The following FBXL7 variants were observed in gnomAD, a reference collection of about 807,000 sequenced individuals.
FBXL7 encodes the protein F-box and leucine rich repeat protein 7.
Under a neutral mutation model 38.3 loss-of-function variants are expected in FBXL7, and 12 were observed. The ratio of observed to expected loss-of-function variants is 0.31; its 90% CI spans 0.20 to 0.51. The LOEUF is 0.51. Among genes scored for constraint, FBXL7 ranks in the 20% least tolerant of loss-of-function variants. The probability of loss-of-function intolerance (pLI) is 0.98; values close to 1 mark genes in which losing one functional copy is unlikely to be tolerated. For synonymous variants in FBXL7, 297 were observed against 300.9 expected, an observed-to-expected ratio of 0.99 and a Z score of 0.13; for missense variants, 567 against 676.4, an observed-to-expected ratio of 0.84 and a Z score of 1.79.
At chr5:15,888,667 A>G (rs921894197) in intron 2 of FBXL7, among the ~76,000 whole-genome samples, 1 of 152,196 alleles carries the variant, frequency 6.6e-6, no homozygotes, top group Non-Finnish European at 1.5e-5. Context: ...TAACAAGGAA[A>G]TGAGGTCTAA....
intron 2 of FBXL7, among the ~76,000 whole-genome samples, chr5:15,639,511 C>G (rs1236312932): frequency 6.6e-6 from 1 of 152,050 alleles, no homozygotes; most frequent in Non-Finnish European, 1.5e-5. Context: ...CTTGCTCCTC[C>G]TTGCCTTCTG....
In FBXL7 at chr5:15,937,967, G is replaced by C. The variant is rs1206766723; in HGVS notation, c.*781G>C. 1 of 152,196 alleles carries C rather than the reference G, an allele frequency of 6.6e-6. No homozygotes were observed. Among genetic ancestry groups the C allele is most frequent in the East Asian group, 1.9e-4 (1 of 5,160 alleles). 9.4% of individuals were successfully genotyped at this position (152,196 alleles called of 1,614,324 possible). A position where few individuals can be genotyped will look rare whatever the true frequency, so the allele number is the denominator to read the frequency against. ...CCTTGGCATAGAGCACCCAGGCATC[G>C]ACCTCTTCCAGGAGAACTGATTCTG... On this transcript the variant is annotated 3_prime_UTR_variant, in exon 4 of 4. Coordinates refer to ENST00000504595, the MANE Select transcript of FBXL7 (RefSeq NM_012304.5).
At position 15,640,465 on chromosome 5, in the gene FBXL7, G is replaced by T. The variant is rs6884081; in HGVS notation, c.127+24393G>T. ...AATCTCATCTTAACTAATGACATCT[G>T]CAATGACCCTGTCTCCAAATAAGGT... On this transcript the variant is annotated intron_variant, in intron 2 of 3. Transcript: ENST00000504595. Among the ~76,000 whole-genome samples the T allele has an allele frequency of 4.9e-3, 745 of 152,134 alleles. 5 individuals are homozygous for T. The highest frequency in any genetic ancestry group is 0.017 in the African/African-American group (724 of 41,512).
At position 15,500,262 on chromosome 5, in the gene FBXL7, G is replaced by C. The variant is rs930811847; in HGVS notation, c.-415G>C. ...TCCCCGGGGAAGCCGCGGGCGCGCA[G>C]GGGCAGCCGAAGGAGGCGGTCGAGC... On this transcript the variant is annotated 5_prime_UTR_variant, in exon 1 of 4. Coordinates refer to ENST00000504595, the MANE Select transcript of FBXL7 (RefSeq NM_012304.5). The C allele has an allele frequency of 3.9e-5, 6 of 151,908 alleles. No individual in the cohort carries two copies. Among genetic ancestry groups the C allele is most frequent in the Non-Finnish European group, 8.8e-5 (6 of 67,962 alleles). 9.4% of individuals were successfully genotyped at this position (151,908 alleles called of 1,614,324 possible). A position where few individuals can be genotyped will look rare whatever the true frequency, so the allele number is the denominator to read the frequency against.
chr5:15,580,496 G>A, intron 1 of FBXL7: 1 of 386,084 alleles, frequency 2.6e-6, no homozygotes, highest in South Asian at 1.1e-4. Context: ...CCATACACTG[G>A]TTTATAATTA....
chr5:15,664,341 T>C (rs947086555), intron 2 of FBXL7, among the ~76,000 whole-genome samples: 8 of 152,166 alleles, frequency 5.3e-5, no homozygotes, highest in Admixed American at 5.2e-4. Context: ...CTCTGTTACC[T>C]AGACATACAA....
At chr5:15,723,037 A>T (rs1049888033) in intron 2 of FBXL7, among the ~76,000 whole-genome samples, 1 of 152,220 alleles carries the variant, frequency 6.6e-6, no homozygotes, top group Non-Finnish European at 1.5e-5. Context: ...TAAAGTAATG[A>T]TAAGATGTAT....
chr5:15,719,207 G>A (rs759773072), intron 2 of FBXL7, among the ~76,000 whole-genome samples: 26 of 152,098 alleles, frequency 1.7e-4, no homozygotes, highest in Non-Finnish European at 2.5e-4. Flanking sequence ...GCAAGTTCAG[G>A]CTTTGTTCCT....
At chr5:15,699,397 T>G (rs1743453017) in intron 2 of FBXL7, among the ~76,000 whole-genome samples, 1 of 152,190 alleles carries the variant, frequency 6.6e-6, no homozygotes. Context: ...ATTCCCAGCT[T>G]GCAGCTGCAT....
intron 2 of FBXL7, among the ~76,000 whole-genome samples, chr5:15,787,811 G>A (rs1737169367): frequency 6.6e-6 from 1 of 152,106 alleles, no homozygotes; most frequent in Non-Finnish European, 1.5e-5. Flanking sequence ...TTTAACATGT[G>A]GTCGTTTCTA....
intron 1 of FBXL7, among the ~76,000 whole-genome samples, chr5:15,611,648 T>G (rs1236546676): frequency 6.6e-6 from 1 of 152,136 alleles, no homozygotes; most frequent in Non-Finnish European, 1.5e-5. Context: ...ATTTAGTGTT[T>G]ATGGTTACTT....
intron 2 of FBXL7, among the ~76,000 whole-genome samples, chr5:15,714,377 A>T (rs769270842): frequency 5.3e-5 from 8 of 152,154 alleles, no homozygotes; most frequent in Non-Finnish European, 1.0e-4. Flanking sequence ...CTCCACAGGC[A>T]TGCTTCCAGT....
intron 1 of FBXL7, among the ~76,000 whole-genome samples, chr5:15,604,919 G>A (rs1448028831): frequency 6.6e-6 from 1 of 152,166 alleles, no homozygotes; most frequent in Non-Finnish European, 1.5e-5. Flanking sequence ...CTGTTGAAGA[G>A]GGGCGCTTTG....
chr5:15,730,459 C>A (rs557559628), intron 2 of FBXL7, among the ~76,000 whole-genome samples: 3 of 152,140 alleles, frequency 2.0e-5, no homozygotes, highest in East Asian at 3.9e-4. Context: ...AAAAAAATTC[C>A]TTCAAGGTCC....
chr5:15,587,931 T>C (rs961664838), intron 1 of FBXL7, among the ~76,000 whole-genome samples: 1 of 152,208 alleles, frequency 6.6e-6, no homozygotes, highest in African/African-American at 2.4e-5. Flanking sequence ...GTTTAGCATA[T>C]GTTTTTGTTT....
At chr5:15,810,210 C>G (rs1052126107) in intron 2 of FBXL7, among the ~76,000 whole-genome samples, 40 of 151,596 alleles carry the variant, frequency 2.6e-4, no homozygotes, top group African/African-American at 9.7e-4. Context: ...CAAATAATAT[C>G]AAGAAGGTGA....
In FBXL7 at chr5:15,665,772, C is replaced by T. The variant is rs117685904; in HGVS notation, c.127+49700C>T. Among the ~76,000 whole-genome samples the T allele has an allele frequency of 1.9e-4, 29 of 152,228 alleles. No individual in the cohort carries two copies. In the East Asian group the frequency reaches 5.0e-3, roughly 26 times the overall value. ...GAATTATTAGATCATAATGTATTTG[C>T]GCTCAAAGTATCTGCCAAGTCATTT... On this transcript the variant is annotated intron_variant, in intron 2 of 3. Transcript: ENST00000504595.
rs567776456 is a variant in FBXL7, at chr5:15,656,437, G to A, written c.127+40365G>A. Reference sequence around the variant, plus strand: ...CAGAAGGCAAGGAGGAGCACGTCCCGTCTTACATGGATGGCAGCAGTCAGA... The same window carrying A: ...CAGAAGGCAAGGAGGAGCACGTCCCATCTTACATGGATGGCAGCAGTCAGA... On this transcript the variant is annotated intron_variant, in intron 2 of 3. Coordinates refer to ENST00000504595, the MANE Select transcript of FBXL7 (RefSeq NM_012304.5). 2.6e-5 allele frequency among the ~76,000 whole-genome samples: 4 copies of A among 152,242 alleles called. No individual in the cohort carries two copies. In the East Asian group the frequency reaches 7.7e-4, roughly 29 times the overall value.
At chr5:15,815,684 A>G (rs1202025658) in intron 2 of FBXL7, among the ~76,000 whole-genome samples, 1 of 152,230 alleles carries the variant, frequency 6.6e-6, no homozygotes, top group African/African-American at 2.4e-5. Flanking sequence ...TTCATCACCT[A>G]TAAAATGTCC....
Sources: gnomAD v4.1 joint callset for allele counts (sites outside exome capture counted in the v4.1 genomes callset) on GRCh38, gnomAD v4.1.1 for gene constraint, MANE v1.5 for transcripts, NCBI Gene and HGNC (gene_info 2026-07-23, HGNC 2026-07-21) for gene names.